CSMD2: variants seen among roughly 807,000 people sequenced by gnomAD.
CSMD2 encodes the protein CUB and sushi domain-containing protein 2.
In CSMD2, 130 loss-of-function variants were observed where a neutral mutation model predicts 398.5. That is an observed-to-expected ratio of 0.33 (90% CI 0.28 to 0.38). CSMD2 has a LOEUF of 0.38. CSMD2 is among the 10% of genes least tolerant of loss of function. The probability of loss-of-function intolerance (pLI) is 1.00; values close to 1 mark genes in which losing one functional copy is unlikely to be tolerated. For missense variants in CSMD2, 3,829 were observed against 4,764.9 expected (o/e 0.80, Z 5.78); for synonymous variants, 1,828 against 1,908.5 (o/e 0.96, Z 1.10).
intron 4 of CSMD2, among the ~76,000 whole-genome samples, chr1:33,930,120 AT>A (rs1395251540): frequency 6.6e-6 from 1 of 152,232 alleles, no homozygotes; most frequent in Non-Finnish European, 1.5e-5. Flanking sequence ...CTAGAACAAT[AT>A]TTGGCACTGT....
intron 24 of CSMD2, among the ~76,000 whole-genome samples, chr1:33,696,290 A>C (rs1488606286): frequency 6.6e-6 from 1 of 152,272 alleles, no homozygotes; most frequent in African/African-American, 2.4e-5. Context: ...TCAGGGTCAC[A>C]GATGGAAGAC....
intron 3 of CSMD2, among the ~76,000 whole-genome samples, chr1:33,968,672 T>A (rs12741288): frequency 6.6e-6 from 1 of 152,012 alleles, no homozygotes; most frequent in Admixed American, 6.6e-5. Context: ...ATTGAACTCC[T>A]CCTCCAGATG....
At chr1:33,691,122 C>T (rs1004866157) in intron 25 of CSMD2, among the ~76,000 whole-genome samples, 2 of 152,132 alleles carry the variant, frequency 1.3e-5, no homozygotes, top group African/African-American at 4.8e-5. Flanking sequence ...CTGAGCTAGG[C>T]CCTGAGCTAG....
chr1:33,636,671 G>T lies in CSMD2; in HGVS notation c.4775-117C>A. 1 of 752,142 alleles carries T rather than the reference G, an allele frequency of 1.3e-6. No individual in the cohort carries two copies. The allele number at this position is 752,142 out of a possible 1,614,324, so 46.6% of individuals were successfully genotyped here. On this transcript the variant is annotated intron_variant, in intron 29 of 70. Coordinates refer to ENST00000373381, the MANE Select transcript of CSMD2 (RefSeq NM_001281956.2). This position sits in a 1 kb window ranked among gnomAD's most constrained non-coding sequence, Gnocchi z 4.8. ...TTTAATTAGCCACAGAGCACACGGG[G>T]ATGCGTGACTGTGGCTCCTATTCCC... is the stretch of plus-strand genomic sequence containing the variant.
intron 44 of CSMD2, among the ~76,000 whole-genome samples, chr1:33,590,446 A>G (rs576433919): frequency 2.3e-4 from 35 of 151,868 alleles, no homozygotes; most frequent in Admixed American, 1.1e-3. Context: ...CCATAAAATT[A>G]CAAATTTCTG....
At chr1:33,848,219 G>A (rs1056263726) in intron 5 of CSMD2, among the ~76,000 whole-genome samples, 12 of 152,226 alleles carry the variant, frequency 7.9e-5, no homozygotes, top group African/African-American at 2.9e-4. Context: ...TGGCAACTGA[G>A]GGACTTGTTA....
chr1:34,094,041 C>G (rs955327787), intron 1 of CSMD2, among the ~76,000 whole-genome samples: 5 of 152,150 alleles, frequency 3.3e-5, no homozygotes, highest in African/African-American at 9.7e-5. Context: ...GGAAGTCCAT[C>G]AGACTAACAG....
chr1:33,614,351 A>G (rs549358239), intron 40 of CSMD2, among the ~76,000 whole-genome samples, 153 bp downstream of exon 40: 1 of 152,190 alleles, frequency 6.6e-6, no homozygotes, highest in South Asian at 2.1e-4. Flanking sequence ...GGTCTTCACA[A>G]TTGTACAAGA....
At chr1:33,580,123 C>T (rs1002491884) in intron 48 of CSMD2, among the ~76,000 whole-genome samples, 6 of 152,168 alleles carry the variant, frequency 3.9e-5, no homozygotes, top group East Asian at 1.9e-4. Flanking sequence ...TCCAAGCTTG[C>T]GGAGCCCAGT....
rs1313897941 is a variant in CSMD2, at chr1:33,633,932, C to T, written c.5087-397G>A. Among the ~76,000 whole-genome samples the T allele has an allele frequency of 6.6e-6, 1 of 152,188 alleles. No individual in the cohort carries two copies. The highest frequency in any genetic ancestry group is 2.4e-5 in the African/African-American group (1 of 41,444). On this transcript the variant is annotated intron_variant, in intron 31 of 70. Transcript: ENST00000373381. The surrounding 1 kb of genome is among the most constrained non-coding windows in gnomAD (Gnocchi z 5.0). Reference sequence around the variant, plus strand: ...ATGTCAGGACCCCACATTCATGCGTCCCAACGTCAGTTAGTCAGTGTCATT... The same window carrying T: ...ATGTCAGGACCCCACATTCATGCGTTCCAACGTCAGTTAGTCAGTGTCATT...
At chr1:33,757,414 A>C (rs1189002529) in intron 13 of CSMD2, among the ~76,000 whole-genome samples, 1 of 152,100 alleles carries the variant, frequency 6.6e-6, no homozygotes, top group Non-Finnish European at 1.5e-5. Context: ...CTCAGGGGCT[A>C]AGGTTCCCCA....
At chr1:33,578,380 C>T (rs921732214) in intron 48 of CSMD2, among the ~76,000 whole-genome samples, 1 of 152,056 alleles carries the variant, frequency 6.6e-6, no homozygotes, top group African/African-American at 2.4e-5. Context: ...GAGTTCAAGA[C>T]CAACCTGGCC....
intron 3 of CSMD2, among the ~76,000 whole-genome samples, chr1:33,984,585 C>G (rs1446865758): frequency 4.6e-5 from 7 of 152,138 alleles, no homozygotes; most frequent in Non-Finnish European, 8.8e-5. Flanking sequence ...GAGTTCCAGA[C>G]CAGCCTGGGC....
chr1:33,522,295 G>A (rs574121493), intron 67 of CSMD2, among the ~76,000 whole-genome samples: 9 of 152,174 alleles, frequency 5.9e-5, no homozygotes, highest in East Asian at 1.9e-4. Flanking sequence ...CTTGTCTGGC[G>A]TCCTAGGCAG....
At position 34,060,938 on chromosome 1, in the gene CSMD2, T is replaced by C. The variant is rs1434166806; in HGVS notation, c.404+28039A>G. On this transcript the variant is annotated intron_variant, in intron 2 of 70. Transcript: ENST00000373381. ...TGCACAAAGGCCCCACCCACCTGTA[T>C]CCCCTGGGTCAGAAAAGTTGGCTTT... Among the ~76,000 whole-genome samples, 7 of 152,126 alleles carry C rather than the reference T, an allele frequency of 4.6e-5. No individual in the cohort carries two copies. In the South Asian group the frequency reaches 1.2e-3, roughly 27 times the overall value.
At position 33,619,235 on chromosome 1, in the gene CSMD2, C is replaced by T. The variant is rs543137477; in HGVS notation, c.5828-1618G>A. Among the ~76,000 whole-genome samples, 910 of 152,286 alleles carry T rather than the reference C, an allele frequency of 6.0e-3. 5 individuals carry two copies. The highest frequency in any genetic ancestry group is 0.017 in the South Asian group (82 of 4,820). The stretch of plus-strand genomic sequence containing the variant: ...CGGCAGAAATGGAAGGATGGCAGAC[C>T]GTATCTGGGTGGCATGGCCCAGAGA... On this transcript the variant is annotated intron_variant, in intron 37 of 70. Transcript: ENST00000373381.
intron 25 of CSMD2, among the ~76,000 whole-genome samples, chr1:33,664,173 CTCTT>C (rs1416388855): frequency 6.6e-6 from 1 of 152,206 alleles, no homozygotes; most frequent in Non-Finnish European, 1.5e-5. Context: ...AAAAAAGTCT[CTCTT>C]TCACACAGCC....
intron 5 of CSMD2, among the ~76,000 whole-genome samples, chr1:33,861,799 G>T (rs1172068251): frequency 1.3e-5 from 2 of 152,318 alleles, no homozygotes; most frequent in South Asian, 2.1e-4. Flanking sequence ...GGCAATGCCT[G>T]TACTGGAAGG....
rs370559815 is a variant in CSMD2, at chr1:33,580,819, A to C, written c.7321T>G (p.Ser2441Ala). Residue 2441 changes from serine (S) to alanine (A), a missense_variant, in exon 48 of 71, where the codon TCT becomes GCT. Physicochemically the swap from Ser to Ala is moderately conservative, Grantham distance 99. Transcript: ENST00000373381. ...TCAGATGACCAACGCAGGTACACAG[A>C]GTTGCTTGAGCTGGTGACAATCAGG... is the stretch of plus-strand genomic sequence containing the variant. ...APLIVTSSSN[S>A]VYLRWSSDHA... 9 of 1,613,982 alleles carry C rather than the reference A, an allele frequency of 5.6e-6. No individual in the cohort carries two copies. The African/African-American group carries it at 1.2e-4, about 22-fold the overall frequency.
Sources: gnomAD v4.1 joint callset for allele counts (sites outside exome capture counted in the v4.1 genomes callset) on GRCh38, gnomAD v4.1.1 for gene constraint, Gnocchi (gnomAD v3.1) non-coding constraint, MANE v1.5 for transcripts, NCBI Gene and HGNC (gene_info 2026-07-23, HGNC 2026-07-21) for gene names.